TENM4: variants seen among roughly 807,000 people sequenced by gnomAD.
The protein encoded by TENM4 is teneurin-4.
Under a neutral mutation model 243.3 loss-of-function variants are expected in TENM4, and 82 were observed. That is an observed-to-expected ratio of 0.34 (90% CI 0.28 to 0.40). The LOEUF (loss-of-function observed/expected upper bound fraction) is 0.40. TENM4 is among the 10% of genes least tolerant of loss of function. TENM4 has a pLI of 1.00. For synonymous variants in TENM4, 1,412 were observed against 1,456.3 expected, an observed-to-expected ratio of 0.97 and a Z score of 0.69; for missense variants, 3,138 against 3,673.3, an observed-to-expected ratio of 0.85 and a Z score of 3.77.
At chr11:78,985,314 TG>T (rs1482767802) in intron 6 of TENM4, among the ~76,000 whole-genome samples, 1 of 151,792 alleles carries the variant, frequency 6.6e-6, no homozygotes. Context: ...GACAAATTGC[TG>T]GGCCAAAAAA....
chr11:78,996,446 G>A (rs2136683635), intron 6 of TENM4, among the ~76,000 whole-genome samples: 1 of 152,316 alleles, frequency 6.6e-6, no homozygotes, highest in East Asian at 1.9e-4. Context: ...CAGCCACCAT[G>A]CGACTAAAGC....
At chr11:79,317,211 G>C (rs1326709506) in intron 1 of TENM4, among the ~76,000 whole-genome samples, 1 of 152,190 alleles carries the variant, frequency 6.6e-6, no homozygotes. Flanking sequence ...ACTCACACAC[G>C]GTTTCAGCTT....
chr11:79,108,704 T>C (rs1861432766), intron 4 of TENM4, among the ~76,000 whole-genome samples: 1 of 152,028 alleles, frequency 6.6e-6, no homozygotes, highest in Non-Finnish European at 1.5e-5. Flanking sequence ...CATTTGTAAT[T>C]GAAAAAAGAT....
chr11:79,119,118 G>A (rs1407187109), intron 4 of TENM4, among the ~76,000 whole-genome samples: 3 of 152,150 alleles, frequency 2.0e-5, no homozygotes, highest in Admixed American at 2.0e-4. Flanking sequence ...GGTCCTGGGT[G>A]CCCTCACTAA....
In TENM4 at chr11:79,069,987, C is replaced by T; in HGVS notation, c.-43G>A. Reference sequence around the variant, plus strand: ...CCTCCACATCCACAAACAGGGTCCTCGCCGCACTCAGGGCCGAGTGGTCTA... The same window carrying T: ...CCTCCACATCCACAAACAGGGTCCTTGCCGCACTCAGGGCCGAGTGGTCTA... On this transcript the variant is annotated 5_prime_UTR_variant, in exon 5 of 34. Coordinates refer to ENST00000278550, the MANE Select transcript of TENM4 (RefSeq NM_001098816.3). 1 of 1,534,448 alleles carries T rather than the reference C, an allele frequency of 6.5e-7. No individual in the cohort carries two copies. The highest frequency in any genetic ancestry group is 8.8e-7 in the Non-Finnish European group (1 of 1,142,566).
chr11:78,958,707 C>T (rs1857257515), intron 6 of TENM4, among the ~76,000 whole-genome samples: 1 of 152,190 alleles, frequency 6.6e-6, no homozygotes, highest in Admixed American at 6.5e-5. Flanking sequence ...CTGGAGAGTC[C>T]AGCGCAAGCT....
At chr11:79,180,927 A>G (rs1464797904) in intron 3 of TENM4, among the ~76,000 whole-genome samples, 1 of 146,016 alleles carries the variant, frequency 6.8e-6, no homozygotes, top group African/African-American at 2.4e-5. Context: ...ATACATATAT[A>G]AAAGAAATTG....
intron 2 of TENM4, among the ~76,000 whole-genome samples, chr11:79,232,131 A>G (rs1409744181): frequency 6.6e-6 from 1 of 152,106 alleles, no homozygotes; most frequent in Non-Finnish European, 1.5e-5. Flanking sequence ...AAAAAAATAA[A>G]TAAAACCCCA....
chr11:79,094,749 T>C (rs980164924), intron 4 of TENM4, among the ~76,000 whole-genome samples: 2 of 152,114 alleles, frequency 1.3e-5, no homozygotes, highest in Non-Finnish European at 2.9e-5. Context: ...CAGGCCCCAG[T>C]CACCCCTGGA....
intron 6 of TENM4, among the ~76,000 whole-genome samples, chr11:79,040,364 A>T (rs1859489443): frequency 6.6e-6 from 1 of 152,084 alleles, no homozygotes. Context: ...TTCCTCACTG[A>T]CTGCCTTTGT....
chr11:78,746,430 G>A (rs992586733), intron 19 of TENM4, among the ~76,000 whole-genome samples: 7 of 152,258 alleles, frequency 4.6e-5, no homozygotes, highest in East Asian at 3.9e-4. Flanking sequence ...CCAAGGGAGC[G>A]TGAGCTCCCA....
At chr11:79,426,492 A>T (rs188966919) in intron 1 of TENM4, among the ~76,000 whole-genome samples, 3 of 152,350 alleles carry the variant, frequency 2.0e-5, no homozygotes, top group African/African-American at 7.2e-5. Context: ...AATATAGGCC[A>T]AATGCCTCAC....
At chr11:78,901,889 G>A (rs1240088196) in intron 7 of TENM4, among the ~76,000 whole-genome samples, 4 of 151,972 alleles carry the variant, frequency 2.6e-5, no homozygotes, top group East Asian at 1.9e-4. Context: ...TTTTGCTTTC[G>A]GAAAAACAAT....
chr11:78,941,287 A>G (rs1856889307), intron 6 of TENM4, among the ~76,000 whole-genome samples: 1 of 152,216 alleles, frequency 6.6e-6, no homozygotes, highest in African/African-American at 2.4e-5. Flanking sequence ...CCAGAGACAT[A>G]AAAGCACTTA....
At chr11:78,891,994 T>C (rs1337361725) in intron 7 of TENM4, among the ~76,000 whole-genome samples, 1 of 152,188 alleles carries the variant, frequency 6.6e-6, no homozygotes, top group Non-Finnish European at 1.5e-5. Flanking sequence ...CCTGAGGATC[T>C]GTATTTCTCC....
At chr11:79,360,531 T>C (rs1398402200) in intron 1 of TENM4, among the ~76,000 whole-genome samples, 2 of 152,184 alleles carry the variant, frequency 1.3e-5, no homozygotes, top group Non-Finnish European at 2.9e-5. Flanking sequence ...ACCAACCATA[T>C]TCCTTCCTTC....
At chr11:79,439,126 C>T (rs1187624695) in intron 1 of TENM4, 1 of 149,362 alleles carries the variant, frequency 6.7e-6, no homozygotes, top group Non-Finnish European at 1.5e-5. Context: ...ACCCTCTTCC[C>T]CCCACCCCCC....
intron 10 of TENM4, among the ~76,000 whole-genome samples, chr11:78,857,213 T>C (rs1270936932): frequency 6.6e-6 from 1 of 152,172 alleles, no homozygotes; most frequent in East Asian, 1.9e-4. Flanking sequence ...ACAGGCTGTA[T>C]TTTATTTGTT....
chr11:79,199,520 C>T (rs1007134470), intron 3 of TENM4, among the ~76,000 whole-genome samples: 5 of 152,154 alleles, frequency 3.3e-5, no homozygotes, highest in African/African-American at 7.2e-5. Flanking sequence ...TATCCATAAT[C>T]GTTATGTGTG....
Sources: allele counts gnomAD v4.1 joint callset (sites outside exome capture counted in the v4.1 genomes callset), GRCh38; gene constraint gnomAD v4.1.1; transcripts MANE v1.5; gene names NCBI Gene and HGNC (gene_info 2026-07-23, HGNC 2026-07-21).